Variants in GOLGA4 observed in about 807,000 individuals in gnomAD.
GOLGA4 encodes golgin A4, also known as golgin subfamily A member 4.
A neutral mutation model predicts 265.9 loss-of-function variants in GOLGA4; 169 were observed. The ratio of observed to expected loss-of-function variants is 0.64; its 90% confidence interval spans 0.56 to 0.72. The LOEUF is 0.72. Among genes scored for constraint, GOLGA4 ranks in the 30% least tolerant of loss-of-function variants. GOLGA4 has a pLI of 0.00. For missense variants in GOLGA4, 2,482 were observed against 2,483.4 expected, an observed-to-expected ratio of 1.00 and a Z score of 0.01; for synonymous variants, 923 against 855.8, an observed-to-expected ratio of 1.08 and a Z score of -1.37.
intron 2 of GOLGA4, among the ~76,000 whole-genome samples, chr3:37,273,351 A>G (rs1011589035): frequency 2.0e-5 from 3 of 152,350 alleles, no homozygotes; most frequent in East Asian, 3.9e-4. Flanking sequence ...TGAATTTTCT[A>G]AAATACTTAC....
intron 22 of GOLGA4, among the ~76,000 whole-genome samples, chr3:37,356,107 T>A (rs1309079506): frequency 6.6e-6 from 1 of 152,104 alleles, no homozygotes; most frequent in Admixed American, 6.6e-5. Context: ...AGTTCTTGAT[T>A]CTCTTGAGCC....
intron 2 of GOLGA4, among the ~76,000 whole-genome samples, chr3:37,270,532 G>A (rs985653660): frequency 1.3e-5 from 2 of 152,038 alleles, no homozygotes; most frequent in African/African-American, 4.8e-5. Flanking sequence ...TAGCTTTTTT[G>A]TATGGACCAC....
At chr3:37,333,301 C>T (rs181205959) in intron 16 of GOLGA4, among the ~76,000 whole-genome samples, 1 of 152,228 alleles carries the variant, frequency 6.6e-6, no homozygotes, top group East Asian at 1.9e-4. Context: ...AACTAGTCTT[C>T]AAAACATAAC....
intron 4 of GOLGA4, 89 bp downstream of exon 4, chr3:37,286,150 T>G (rs1372854888): frequency 4.6e-6 from 3 of 650,346 alleles, no homozygotes; most frequent in Non-Finnish European, 7.7e-6. Context: ...TTTTTTTTTT[T>G]TTTTTTTTTT....
intron 3 of GOLGA4, among the ~76,000 whole-genome samples, chr3:37,283,489 G>A (rs551464850): frequency 1.3e-5 from 2 of 152,078 alleles, no homozygotes; most frequent in Admixed American, 6.6e-5. Flanking sequence ...TAGTATTTAC[G>A]TATGCTAGAT....
intron 1 of GOLGA4, among the ~76,000 whole-genome samples, chr3:37,245,637 A>T (rs1305382041): frequency 6.6e-6 from 1 of 152,226 alleles, no homozygotes; most frequent in Non-Finnish European, 1.5e-5. Context: ...CTAGTCACAA[A>T]CTAAGATATA....
intron 23 of GOLGA4, among the ~76,000 whole-genome samples, chr3:37,362,939 T>C (rs958588752): frequency 1.3e-5 from 2 of 151,646 alleles, no homozygotes; most frequent in African/African-American, 2.4e-5. Context: ...CCCGCCACCA[T>C]GCCCAGCTAA....
chr3:37,299,369 A>C lies in GOLGA4; in HGVS notation c.1084A>C (p.Lys362Gln). 1 of 1,598,828 alleles carries C rather than the reference A, an allele frequency of 6.3e-7. No homozygotes were observed. The highest frequency in any genetic ancestry group is 8.6e-7 in the Non-Finnish European group (1 of 1,167,850). Reference protein sequence around the residue: ...KNLIEQLEQDKGMVIAETKRQ... With the variant: ...KNLIEQLEQDQGMVIAETKRQ... ...CTTAATTGAACAGCTTGAACAAGATAAGGTAAAACAACAAAACCTATGATA... is the reference window on the plus strand; with the variant it reads ...CTTAATTGAACAGCTTGAACAAGATCAGGTAAAACAACAAAACCTATGATA... The change falls in exon 9 of 24, where the codon AAG (lysine) becomes CAG (glutamine). Residue 362 changes from lysine (K) to glutamine (Q), a missense_variant and splice_region_variant. Lys to Gln is a moderately conservative substitution (Grantham distance 53, BLOSUM62 1). Coordinates refer to ENST00000361924, the MANE Select transcript of GOLGA4 (RefSeq NM_002078.5).
At chr3:37,246,099 C>T (rs1030127419) in intron 1 of GOLGA4, among the ~76,000 whole-genome samples, 2 of 151,826 alleles carry the variant, frequency 1.3e-5, no homozygotes, top group Non-Finnish European at 1.5e-5. Context: ...GCCTGTAATC[C>T]CAGCACTTTG....
Position 37,243,480 on chromosome 3 carries a change from C to T in GOLGA4, c.-71C>T, listed in dbSNP as rs2096708269. The T allele has an allele frequency of 7.4e-7, 1 of 1,360,040 alleles. No individual in the cohort carries two copies. The highest frequency in any genetic ancestry group is 1.2e-5 in the South Asian group (1 of 86,044). The allele number at this position is 1,360,040 out of a possible 1,614,324, so 84.2% of individuals were successfully genotyped here. ...GGTGTAAAGAAGTCGCCGTAGCCGTCGCGGCCGGGACTCCCCGGGCTCTCG... is the reference window on the plus strand; with the variant it reads ...GGTGTAAAGAAGTCGCCGTAGCCGTTGCGGCCGGGACTCCCCGGGCTCTCG... On this transcript the variant is annotated 5_prime_UTR_variant, in exon 1 of 24. Coordinates refer to ENST00000361924, the MANE Select transcript of GOLGA4 (RefSeq NM_002078.5).
chr3:37,310,522 C>A (rs547218410), intron 10 of GOLGA4, among the ~76,000 whole-genome samples: 10 of 152,240 alleles, frequency 6.6e-5, no homozygotes, highest in Non-Finnish European at 1.2e-4. Flanking sequence ...GATTATTGAG[C>A]TACAGATTGT....
At chr3:37,342,353 TAA>T (rs2097038655) in intron 20 of GOLGA4, among the ~76,000 whole-genome samples, 1 of 151,838 alleles carries the variant, frequency 6.6e-6, no homozygotes, top group Non-Finnish European at 1.5e-5. Flanking sequence ...CAAAAATAAA[TAA>T]AGAGTAAATT....
chr3:37,324,154 T>G lies in GOLGA4; in HGVS notation c.2268T>G (p.Asp756Glu). 4 of 1,614,034 alleles carry G rather than the reference T, an allele frequency of 2.5e-6. No individual in the cohort carries two copies. The highest frequency in any genetic ancestry group is 3.4e-6 in the Non-Finnish European group (4 of 1,179,946). The change falls in exon 14 of 24, where the codon GAT (aspartate) becomes GAG (glutamate). Residue 756 changes from aspartate to glutamate, a missense_variant. Physicochemically the swap from Asp to Glu is conservative, Grantham distance 45 (BLOSUM62 2). Around this residue, in one of 3 missense-constraint regions of GOLGA4, gnomAD observed 1,536 missense variants for 1,483.7 expected, o/e 1.04. Coordinates refer to ENST00000361924, the MANE Select transcript of GOLGA4 (RefSeq NM_002078.5). ...SIQRTEKALK[D>E]QINQLELLLK... The stretch of plus-strand genomic sequence containing the variant: ...AGAGGACTGAGAAGGCATTAAAAGA[T>G]CAAATTAATCAACTTGAGCTTCTCT...
Position 37,337,833 on chromosome 3 carries a change from A to C in GOLGA4, c.6396+99A>C, listed in dbSNP as rs566268324. The C allele has an allele frequency of 9.6e-5, 70 of 726,220 alleles. No homozygotes were observed. In the African/African-American group the frequency reaches 1.2e-3, roughly 12 times the overall value. 45.0% of individuals were successfully genotyped at this position (726,220 alleles called of 1,614,324 possible). A position where few individuals can be genotyped will look rare whatever the true frequency, so the allele number is the denominator to read the frequency against. ...TAAATAGTTGGCTTTGAAATTTTTCAGTCTTACACCCAGGAAATTTTATTT... is the reference window on the plus strand; with the variant it reads ...TAAATAGTTGGCTTTGAAATTTTTCCGTCTTACACCCAGGAAATTTTATTT... On this transcript the variant is annotated intron_variant, in intron 19 of 23. Transcript: ENST00000361924.
rs1449014284 is a variant in GOLGA4 at position 37,321,797 on chromosome 3, G to A, written c.1612G>A (p.Glu538Lys). The stretch of plus-strand genomic sequence containing the variant: ...AGAACAGCAAGAATCTTTGGCCCTA[G>A]AAGAGTTAGAGTTGCAGAAAAAAGC... Reference protein sequence around the residue: ...EKEQQESLALEELELQKKAIL... With the variant: ...EKEQQESLALKELELQKKAIL... The change falls in exon 13 of 24, where the codon GAA becomes AAA. Residue 538 changes from glutamate (E) to lysine (K), a missense_variant. By Grantham distance (56) the Glu-to-Lys change is moderately conservative. Around this residue, in one of 3 missense-constraint regions of GOLGA4, gnomAD observed 1,536 missense variants for 1,483.7 expected, o/e 1.04. Transcript: ENST00000361924. 1 of 1,613,126 alleles carries A rather than the reference G, an allele frequency of 6.2e-7. No individual in the cohort carries two copies. The highest frequency in any genetic ancestry group is 8.5e-7 in the Non-Finnish European group (1 of 1,179,470).
intron 2 of GOLGA4, among the ~76,000 whole-genome samples, chr3:37,256,749 T>A (rs549676577): frequency 6.6e-6 from 1 of 152,124 alleles, no homozygotes; most frequent in Non-Finnish European, 1.5e-5. Context: ...TAGAGCAACA[T>A]GTGATGTAGG....
chr3:37,294,411 A>C (rs1038098015), intron 5 of GOLGA4, among the ~76,000 whole-genome samples: 2 of 148,304 alleles, frequency 1.3e-5, no homozygotes, highest in Non-Finnish European at 3.0e-5. Context: ...TGGGAGACCA[A>C]GCCTCACTCT....
rs763360702 is a variant in GOLGA4 at position 37,323,688 on chromosome 3, A to G, written c.1802A>G (p.His601Arg). Residue 601 changes from histidine to arginine, a missense_variant, in exon 14 of 24, where the codon CAC becomes CGC. His to Arg is a conservative substitution (Grantham distance 29, BLOSUM62 0). Around this residue, in one of 3 missense-constraint regions of GOLGA4, gnomAD observed 1,536 missense variants for 1,483.7 expected, o/e 1.04. Coordinates refer to ENST00000361924, the MANE Select transcript of GOLGA4 (RefSeq NM_002078.5). ...CATCTGGAAGCTGAAAAAAATAAGC[A>G]CAATAAGGAGATTACAGTCATGGTT... ...AVHLEAEKNK[H>R]NKEITVMVEK... 1.2e-6 allele frequency: 2 copies of G among 1,609,520 alleles called. No individual in the cohort carries two copies. The highest frequency in any genetic ancestry group is 2.2e-5 in the South Asian group (2 of 89,152).
intron 22 of GOLGA4, among the ~76,000 whole-genome samples, chr3:37,361,031 A>G (rs2151087495): frequency 6.6e-6 from 1 of 152,290 alleles, no homozygotes; most frequent in East Asian, 1.9e-4. Flanking sequence ...TGCAAGTAAA[A>G]TCTCAGCTAC....
Sources: allele counts gnomAD v4.1 joint callset (sites outside exome capture counted in the v4.1 genomes callset), GRCh38; gene constraint gnomAD v4.1.1; regional missense constraint gnomAD v4.1.1; transcripts MANE v1.5; gene names NCBI Gene and HGNC (gene_info 2026-07-23, HGNC 2026-07-21).